PLXDC2: variants seen among roughly 807,000 people sequenced by gnomAD.
PLXDC2 encodes the protein plexin domain-containing protein 2.
A neutral mutation model predicts 68.9 loss-of-function variants in PLXDC2; 40 were observed. The ratio of observed to expected loss-of-function variants is 0.58; its 90% CI spans 0.45 to 0.76. PLXDC2 has a LOEUF of 0.76. PLXDC2 is among the 30% of genes least tolerant of loss of function. The probability of loss-of-function intolerance (pLI) is 0.00; values close to 1 mark genes in which losing one functional copy is unlikely to be tolerated. For missense variants in PLXDC2, 644 were observed against 661.9 expected (o/e 0.97, Z 0.30); for synonymous variants, 243 against 234.2 (o/e 1.04, Z -0.34).
intron 4 of PLXDC2, among the ~76,000 whole-genome samples, chr10:20,081,448 C>T (rs1049458259): frequency 6.6e-6 from 1 of 151,762 alleles, no homozygotes; most frequent in African/African-American, 2.4e-5. Context: ...CAGAACAGAA[C>T]ATCAGAGACC....
intron 7 of PLXDC2, among the ~76,000 whole-genome samples, chr10:20,169,376 C>T (rs879668200): frequency 6.6e-6 from 1 of 152,110 alleles, no homozygotes; most frequent in South Asian, 2.1e-4. Flanking sequence ...TGTTGTCTTT[C>T]GATTACCAGA....
intron 2 of PLXDC2, among the ~76,000 whole-genome samples, chr10:20,042,085 A>G (rs1343133642): frequency 6.6e-6 from 1 of 151,990 alleles, no homozygotes; most frequent in East Asian, 1.9e-4. Flanking sequence ...GTTCTTTTCC[A>G]TTTCATGTTG....
intron 4 of PLXDC2, among the ~76,000 whole-genome samples, chr10:20,072,424 G>GAA (rs1554764522): frequency 1.5e-5 from 2 of 130,230 alleles, no homozygotes; most frequent in Admixed American, 1.6e-4. Flanking sequence ...GAAAGAAAGA[G>GAA]AGAAAGAAAG....
At chr10:20,035,256 G>A (rs1303707302) in intron 2 of PLXDC2, among the ~76,000 whole-genome samples, 1 of 152,124 alleles carries the variant, frequency 6.6e-6, no homozygotes, top group African/African-American at 2.4e-5. Flanking sequence ...ATTTACAGCT[G>A]ATTAATTGCT....
chr10:19,863,221 T>C (rs1032756397), intron 1 of PLXDC2, among the ~76,000 whole-genome samples: 8 of 152,194 alleles, frequency 5.3e-5, no homozygotes, highest in African/African-American at 1.9e-4. Context: ...CCGGGTTTTG[T>C]TTAGATGAAT....
chr10:20,242,412 T>C (rs981541811), intron 12 of PLXDC2, among the ~76,000 whole-genome samples: 1 of 152,184 alleles, frequency 6.6e-6, no homozygotes, highest in Admixed American at 6.5e-5. Flanking sequence ...TTATATGTAT[T>C]AAATGTGGAA....
intron 1 of PLXDC2, among the ~76,000 whole-genome samples, chr10:19,861,902 G>A (rs778719720): frequency 1.3e-5 from 2 of 152,062 alleles, no homozygotes; most frequent in African/African-American, 2.4e-5. Context: ...TCTTTCACTC[G>A]GAGAAGGTGT....
rs1836070323 is a variant in PLXDC2 at position 20,280,661 on chromosome 10, G to A, written c.*842G>A. 2.0e-5 allele frequency: 3 copies of A among 152,226 alleles called. No individual in the cohort carries two copies. The South Asian group carries it at 6.2e-4, about 32-fold the overall frequency. 9.4% of individuals were successfully genotyped at this position (152,226 alleles called of 1,614,324 possible). ...AACTGTTAAGTCCCATGAAACCACA[G>A]TTGCTCTGGGCTGATGGAAACAAAA... On this transcript the variant is annotated 3_prime_UTR_variant, in exon 14 of 14. Transcript: ENST00000377252.
At chr10:19,943,025 TAA>T (rs1363787504) in intron 1 of PLXDC2, among the ~76,000 whole-genome samples, 1 of 152,218 alleles carries the variant, frequency 6.6e-6, no homozygotes, top group African/African-American at 2.4e-5. Flanking sequence ...CTCACCACTT[TAA>T]AAAGTCTCTT....
At chr10:20,165,453 A>G (rs552407207) in intron 7 of PLXDC2, among the ~76,000 whole-genome samples, 2 of 147,554 alleles carry the variant, frequency 1.4e-5, no homozygotes, top group Non-Finnish European at 3.0e-5. Context: ...AACAGTCCCC[A>G]GAGTATGATG....
intron 3 of PLXDC2, among the ~76,000 whole-genome samples, chr10:20,059,894 TATA>T (rs1209995200): frequency 2.0e-5 from 3 of 152,234 alleles, no homozygotes; most frequent in Non-Finnish European, 4.4e-5. Flanking sequence ...TACTTTAGGG[TATA>T]ACAAGGAAGT....
chr10:20,001,437 T>C (rs1486916664), intron 1 of PLXDC2, among the ~76,000 whole-genome samples: 2 of 152,210 alleles, frequency 1.3e-5, no homozygotes, highest in African/African-American at 4.8e-5. Flanking sequence ...CTAGCTTGCT[T>C]TCTCAGAACA....
At chr10:20,054,327 C>G (rs1835956716) in intron 3 of PLXDC2, among the ~76,000 whole-genome samples, 1 of 151,908 alleles carries the variant, frequency 6.6e-6, no homozygotes, top group African/African-American at 2.4e-5. Flanking sequence ...TCTTGTCATT[C>G]CCGGGTAAGT....
rs75360100 is a variant in PLXDC2 at position 20,015,863 on chromosome 10, C to T, written c.324+13877C>T. ...GTCCACTTCGGTTTGTTCCAACCAT[C>T]GTGTTCACTCTCCTTTCTTATTGGC... On this transcript the variant is annotated intron_variant, in intron 2 of 13. Transcript: ENST00000377252. Among the ~76,000 whole-genome samples the T allele has an allele frequency of 3.9e-3, 590 of 152,248 alleles. 5 individuals are homozygous for T. The highest frequency in any genetic ancestry group is 0.014 in the African/African-American group (571 of 41,542).
intron 6 of PLXDC2, among the ~76,000 whole-genome samples, chr10:20,152,569 ATTACCAACTG>A (rs1183745555): frequency 6.6e-6 from 1 of 152,134 alleles, no homozygotes; most frequent in Non-Finnish European, 1.5e-5. Context: ...TTTTTCTCAA[ATTACCAACTG>A]TTCATTATAA....
At chr10:19,902,299 A>G (rs951374920) in intron 1 of PLXDC2, among the ~76,000 whole-genome samples, 2 of 152,302 alleles carry the variant, frequency 1.3e-5, no homozygotes, top group Non-Finnish European at 2.9e-5. Context: ...CTAACCATCC[A>G]TGAGCATGGG....
chr10:20,050,472 G>A (rs1372551301), intron 3 of PLXDC2, among the ~76,000 whole-genome samples: 4 of 152,030 alleles, frequency 2.6e-5, no homozygotes, highest in Non-Finnish European at 4.4e-5. Flanking sequence ...ATCTGACAAA[G>A]GTCTAATATC....
chr10:20,286,108 A>C lies in PLXDC2; in HGVS notation c.*6289A>C, dbSNP rs1175447651. ...TTTTCATAACAAGTTTATGGAATAC[A>C]TCATCATTGGCTTCTTCATAATATA... On this transcript the variant is annotated 3_prime_UTR_variant, in exon 14 of 14. Transcript: ENST00000377252. 1 of 152,206 alleles carries C rather than the reference A, an allele frequency of 6.6e-6. No individual in the cohort carries two copies. The highest frequency in any genetic ancestry group is 1.5e-5 in the Non-Finnish European group (1 of 68,038). The allele number at this position is 152,206 out of a possible 1,614,324, so 9.4% of individuals were successfully genotyped here.
At position 20,158,680 on chromosome 10, in the gene PLXDC2, A is replaced by C. The variant is rs7083155; in HGVS notation, c.784-5788A>C. 1.1e-3 allele frequency among the ~76,000 whole-genome samples: 173 copies of C among 151,424 alleles called. 2 individuals are homozygous for C. The highest frequency in any genetic ancestry group is 4.0e-3 in the African/African-American group (166 of 41,470). On this transcript the variant is annotated intron_variant, in intron 6 of 13. Transcript: ENST00000377252. ...TCTGTCTCAAATAAATAAGTAAATA[A>C]ATAAATAAATAAATAAATATTTTTA... is the stretch of plus-strand genomic sequence containing the variant.
Sources: allele counts gnomAD v4.1 joint callset (sites outside exome capture counted in the v4.1 genomes callset), GRCh38; gene constraint gnomAD v4.1.1; transcripts MANE v1.5; gene names NCBI Gene and HGNC (gene_info 2026-07-23, HGNC 2026-07-21).